Variants in DLGAP1 observed in about 807,000 individuals in gnomAD.
DLGAP1 encodes DLG associated protein 1, also known as disks large-associated protein 1.
In DLGAP1, 11 loss-of-function variants were observed where a neutral mutation model predicts 90.8. The ratio of observed to expected loss-of-function variants is 0.12; its 90% CI spans 0.08 to 0.20. The LOEUF (loss-of-function observed/expected upper bound fraction) is 0.20. Among genes scored for constraint, DLGAP1 ranks in the 10% least tolerant of loss-of-function variants. The probability of loss-of-function intolerance (pLI) is 1.00; values close to 1 mark genes in which losing one functional copy is unlikely to be tolerated. For missense variants in DLGAP1, 1,050 were observed against 1,333.8 expected (o/e 0.79, Z 3.31); for synonymous variants, 558 against 540.7 (o/e 1.03, Z -0.44).
At chr18:4,057,138 G>T (rs1347604740) in intron 2 of DLGAP1, among the ~76,000 whole-genome samples, 1 of 151,482 alleles carries the variant, frequency 6.6e-6, no homozygotes, top group Non-Finnish European at 1.5e-5. Context: ...GTGACCATCA[G>T]GTGATGGTCT....
At chr18:4,328,738 G>C (rs1047212115) in intron 1 of DLGAP1, among the ~76,000 whole-genome samples, 13 of 151,876 alleles carry the variant, frequency 8.6e-5, no homozygotes, top group Non-Finnish European at 1.6e-4. Flanking sequence ...AGCCACCCCA[G>C]TGAGTGTGAA....
chr18:3,574,879 A>G (rs71358016), intron 8 of DLGAP1, among the ~76,000 whole-genome samples: 57,844 of 148,288 alleles, frequency 0.39, 12,171 homozygotes, highest in East Asian at 0.82. Context: ...CAGTGGCACA[A>G]TCTTGGCTCA....
At position 3,517,058 on chromosome 18, in the gene DLGAP1, T is replaced by C. The variant is rs2050885913; in HGVS notation, c.2480-8397A>G. Among the ~76,000 whole-genome samples the C allele has an allele frequency of 6.6e-6, 1 of 152,218 alleles. No individual in the cohort carries two copies. The highest frequency in any genetic ancestry group is 2.1e-4 in the South Asian group (1 of 4,834). Reference sequence around the variant, plus strand: ...ATAGGTCTCAACAGTAGGCTTAAAGTGTACAGTAAACCATGCTGTGAATAG... The same window carrying C: ...ATAGGTCTCAACAGTAGGCTTAAAGCGTACAGTAAACCATGCTGTGAATAG... On this transcript the variant is annotated intron_variant, in intron 10 of 12. Coordinates refer to ENST00000315677, the MANE Select transcript of DLGAP1 (RefSeq NM_004746.4). This position sits in a 1 kb window ranked among gnomAD's most constrained non-coding sequence, Gnocchi z 4.1.
intron 9 of DLGAP1, among the ~76,000 whole-genome samples, chr18:3,551,158 C>CATATATATATATATATATAT (rs1275015577): frequency 6.0e-3 from 47 of 7,830 alleles, no homozygotes; most frequent in Non-Finnish European, 0.046. Context: ...ATATTATATA[C>CATATATATATATATATATAT]ATATATATAT....
intron 1 of DLGAP1, among the ~76,000 whole-genome samples, chr18:4,367,094 C>T (rs1229855575): frequency 7.0e-6 from 1 of 143,782 alleles, no homozygotes; most frequent in African/African-American, 2.5e-5. Flanking sequence ...TAATTTAGTA[C>T]ACTGGCATTT....
At chr18:3,867,455 T>G (rs938804627) in intron 4 of DLGAP1, among the ~76,000 whole-genome samples, 1 of 151,960 alleles carries the variant, frequency 6.6e-6, no homozygotes, top group Non-Finnish European at 1.5e-5. Context: ...GCTCTCTTGC[T>G]AAAGAGGGTT....
chr18:3,625,786 C>G (rs922227891), intron 7 of DLGAP1, among the ~76,000 whole-genome samples: 1 of 152,180 alleles, frequency 6.6e-6, no homozygotes, highest in Non-Finnish European at 1.5e-5. Context: ...ATGCAACTAT[C>G]ACTGTTCTCA....
At chr18:4,240,247 A>C (rs181630527) in intron 1 of DLGAP1, among the ~76,000 whole-genome samples, 30 of 152,284 alleles carry the variant, frequency 2.0e-4, no homozygotes, top group African/African-American at 7.2e-4. Context: ...TCTTACTTGT[A>C]GTTTTCCTTA....
chr18:4,111,297 T>C (rs1486977156), intron 2 of DLGAP1, among the ~76,000 whole-genome samples: 2 of 152,208 alleles, frequency 1.3e-5, no homozygotes, highest in East Asian at 1.9e-4. Flanking sequence ...TCTATGTTGC[T>C]TGATTCAGTT....
Position 3,809,956 on chromosome 18 carries a change from C to T in DLGAP1, c.1172+4103G>A, listed in dbSNP as rs186899319. Among the ~76,000 whole-genome samples, 61 of 152,304 alleles carry T rather than the reference C, an allele frequency of 4.0e-4. 1 individual carries two copies. The highest frequency in any genetic ancestry group is 3.5e-3 in the Admixed American group (54 of 15,300). On this transcript the variant is annotated intron_variant, in intron 5 of 12. Transcript: ENST00000315677. The stretch of plus-strand genomic sequence containing the variant: ...GCTGCAACAACATGCTTTGAGGGAA[C>T]TCTGGCCCCTAAATGTCTCCTCTAC...
At chr18:3,545,067 G>C (rs1044693774) in intron 9 of DLGAP1, among the ~76,000 whole-genome samples, 1 of 151,962 alleles carries the variant, frequency 6.6e-6, no homozygotes, top group Non-Finnish European at 1.5e-5. Flanking sequence ...TCAGGAGTTC[G>C]AGACCAATCT....
At chr18:4,079,270 A>T (rs10468649) in intron 2 of DLGAP1, among the ~76,000 whole-genome samples, 75,252 of 148,006 alleles carry the variant, frequency 0.51, 20,381 homozygotes, top group Non-Finnish European at 0.62. Context: ...TCAGCCAATG[A>T]GTAGATAAAG....
At chr18:3,937,894 G>A (rs766142893) in intron 3 of DLGAP1, among the ~76,000 whole-genome samples, 13 of 152,144 alleles carry the variant, frequency 8.5e-5, no homozygotes, top group African/African-American at 1.4e-4. Context: ...CACTGTAAGC[G>A]AGCTCTTTAG....
intron 1 of DLGAP1, among the ~76,000 whole-genome samples, chr18:4,426,799 C>T (rs280993): frequency 0.5 from 75,800 of 151,958 alleles, 20,343 homozygotes; most frequent in South Asian, 0.64. Context: ...CTCAATTAGA[C>T]CTGAAATCAC....
At chr18:3,976,142 T>A (rs966391800) in intron 3 of DLGAP1, among the ~76,000 whole-genome samples, 1 of 149,586 alleles carries the variant, frequency 6.7e-6, no homozygotes, top group Non-Finnish European at 1.5e-5. Flanking sequence ...AGGTCGGGAG[T>A]TTGAGACCAG....
At chr18:4,276,040 G>A (rs1184739919) in intron 1 of DLGAP1, among the ~76,000 whole-genome samples, 1 of 151,512 alleles carries the variant, frequency 6.6e-6, no homozygotes, top group Non-Finnish European at 1.5e-5. Flanking sequence ...GACTATATGG[G>A]GTAGCAGGAG....
intron 7 of DLGAP1, among the ~76,000 whole-genome samples, chr18:3,588,394 G>A (rs527665504): frequency 6.6e-6 from 1 of 152,170 alleles, no homozygotes; most frequent in East Asian, 1.9e-4. Flanking sequence ...GGGAGGCGGA[G>A]GTTGCGGTGA....
At chr18:3,804,184 C>T (rs2066458625) in intron 5 of DLGAP1, among the ~76,000 whole-genome samples, 1 of 151,892 alleles carries the variant, frequency 6.6e-6, no homozygotes, top group African/African-American at 2.4e-5. Flanking sequence ...GGGGTTTTGC[C>T]ATATTGGTCA....
chr18:4,346,874 C>T (rs891766498), intron 1 of DLGAP1, among the ~76,000 whole-genome samples: 6 of 151,960 alleles, frequency 3.9e-5, no homozygotes, highest in African/African-American at 1.2e-4. Flanking sequence ...AAAATTAATG[C>T]TCAGAGAATC....
Sources: gnomAD v4.1 joint callset for allele counts (sites outside exome capture counted in the v4.1 genomes callset) on GRCh38, gnomAD v4.1.1 for gene constraint, Gnocchi (gnomAD v3.1) non-coding constraint, MANE v1.5 for transcripts, NCBI Gene and HGNC (gene_info 2026-07-23, HGNC 2026-07-21) for gene names.